ZSCAN5A: variants seen among roughly 807,000 people sequenced by gnomAD.
The protein encoded by ZSCAN5A is zinc finger and SCAN domain containing 5A, also known as zinc finger and SCAN domain-containing protein 5A.
A neutral mutation model predicts 23.7 loss-of-function variants in ZSCAN5A; 12 were observed. The ratio of observed to expected loss-of-function variants is 0.51; its 90% CI spans 0.32 to 0.82. The LOEUF (loss-of-function observed/expected upper bound fraction) is 0.82. ZSCAN5A is among the 40% of genes least tolerant of loss of function. ZSCAN5A has a pLI of 0.03. For synonymous variants in ZSCAN5A, 257 were observed against 239.9 expected (o/e 1.07, Z -0.66); for missense variants, 597 against 617.9 (o/e 0.97, Z 0.36).
chr19:56,321,801 G>T, intron 2 of ZSCAN5A: 2 of 1,165,992 alleles, frequency 1.7e-6, no homozygotes, highest in Non-Finnish European at 2.6e-6. Context: ...CAGTAGTAAG[G>T]TAACTGCCAC....
At chr19:56,230,330 C>T (rs953759510) in intron 2 of ZSCAN5A, among the ~76,000 whole-genome samples, 6 of 152,052 alleles carry the variant, frequency 3.9e-5, no homozygotes, top group Non-Finnish European at 8.8e-5. Context: ...GTGATCCACC[C>T]GCCTCGGCCT....
intron 2 of ZSCAN5A, among the ~76,000 whole-genome samples, chr19:56,310,620 G>A (rs888273235): frequency 6.6e-5 from 10 of 152,218 alleles, no homozygotes; most frequent in African/African-American, 2.4e-4. Flanking sequence ...CTACACAGCT[G>A]AGATTTGACC....
chr19:56,362,387 C>A (rs571618829), intron 2 of ZSCAN5A, among the ~76,000 whole-genome samples: 1 of 151,182 alleles, frequency 6.6e-6, no homozygotes, highest in Non-Finnish European at 1.5e-5. Flanking sequence ...GCCAACGTGG[C>A]GAGACCCCCA....
intron 1 of ZSCAN5A, chr19:56,367,999 A>C (rs931875941): frequency 6.6e-6 from 1 of 152,286 alleles, no homozygotes; most frequent in Non-Finnish European, 1.5e-5. Context: ...AAAGCCTCCC[A>C]CGAAGTCTGA....
chr19:56,308,179 G>T (rs1279306390), intron 2 of ZSCAN5A, among the ~76,000 whole-genome samples: 1 of 148,850 alleles, frequency 6.7e-6, no homozygotes, highest in Admixed American at 6.7e-5. Flanking sequence ...GACTACAGGC[G>T]AGTGCCACCA....
At chr19:56,362,157 CAAAA>C (rs71184352) in intron 2 of ZSCAN5A, among the ~76,000 whole-genome samples, 1 of 91,066 alleles carries the variant, frequency 1.1e-5, no homozygotes. Flanking sequence ...GACTCCGTCT[CAAAA>C]AAAAAAAAAA....
At chr19:56,302,164 C>A in intron 2 of ZSCAN5A, 1 of 1,159,726 alleles carries the variant, frequency 8.6e-7, no homozygotes, top group Non-Finnish European at 1.1e-6. Context: ...AGTGGGGGCA[C>A]AGAGGAAGCG....
intron 2 of ZSCAN5A, chr19:56,338,383 T>C (rs935557305): frequency 6.6e-6 from 1 of 152,206 alleles, no homozygotes; most frequent in Non-Finnish European, 1.5e-5. Context: ...GATGCATCCA[T>C]GTAACCCAGT....
chr19:56,240,863 A>G, intron 2 of ZSCAN5A, among the ~76,000 whole-genome samples: 1 of 152,072 alleles, frequency 6.6e-6, no homozygotes, highest in Non-Finnish European at 1.5e-5. Context: ...CTACCTGCCA[A>G]CAGGCCCGGC....
chr19:56,262,364 G>A (rs2037183497), intron 2 of ZSCAN5A, among the ~76,000 whole-genome samples: 1 of 150,918 alleles, frequency 6.6e-6, no homozygotes, highest in Non-Finnish European at 1.5e-5. Context: ...GACTATTTTA[G>A]AGTTTCATAA....
chr19:56,326,995 G>A (rs2147431616), intron 2 of ZSCAN5A, among the ~76,000 whole-genome samples: 1 of 151,870 alleles, frequency 6.6e-6, no homozygotes, highest in South Asian at 2.1e-4. Context: ...CCCTTCACGA[G>A]TTGAGGTTGT....
chr19:56,283,803 T>G (rs1177439473), intron 2 of ZSCAN5A: 1 of 152,184 alleles, frequency 6.6e-6, no homozygotes, highest in Admixed American at 6.5e-5. Flanking sequence ...ATATCTGATC[T>G]CAAAGGGCTG....
At chr19:56,284,158 T>C (rs910761849) in intron 2 of ZSCAN5A, 20 of 985,504 alleles carry the variant, frequency 2.0e-5, no homozygotes, top group East Asian at 1.1e-4. Flanking sequence ...GCATGTAACC[T>C]TGGCCACCAT....
rs200848409 is a variant in ZSCAN5A at position 56,224,900 on chromosome 19, C to T, written c.147G>A (p.Met49Ile). The T allele has an allele frequency of 1.2e-4, 196 of 1,614,074 alleles. No homozygotes were observed. Among genetic ancestry groups the T allele is most frequent in the Non-Finnish European group, 6.4e-5 (75 of 1,180,046 alleles). The change falls in exon 3 of 6, where the codon ATG becomes ATA. Residue 49 changes from methionine to isoleucine, a missense_variant. By Grantham distance (10) the Met-to-Ile change is conservative. Around this residue, in one of 5 missense-constraint regions of ZSCAN5A, gnomAD observed 72 missense variants for 76.8 expected, o/e 0.94. Coordinates refer to ENST00000683990, the MANE Select transcript of ZSCAN5A (RefSeq NM_001322064.3). ...GGTCCGACTCCTTCGGGCAGCTGAA[C>T]ATCCTGAAGTTCACGTGAGAAATCT... ...DPEISHVNFR[M>I]FSCPKESDPI...
chr19:56,285,587 T>C (rs891595919), intron 2 of ZSCAN5A, among the ~76,000 whole-genome samples: 3 of 152,188 alleles, frequency 2.0e-5, no homozygotes, highest in African/African-American at 7.2e-5. Flanking sequence ...CCCCATTGAC[T>C]GGGATTCCTA....
rs967735953 is a variant in ZSCAN5A at position 56,302,011 on chromosome 19, C to T, written c.-128+11272G>A. On this transcript the variant is annotated intron_variant, in intron 2 of 5. Coordinates refer to ENST00000683990, the MANE Select transcript of ZSCAN5A (RefSeq NM_001322064.3). ...CCACCCCATCCAGGAAACCACTCCC[C>T]AAGAGGAAGAACACGTGGAACTTCC... The T allele has an allele frequency of 9.7e-6, 12 of 1,231,950 alleles. No homozygotes were observed. In the African/African-American group the frequency reaches 1.7e-4, roughly 18 times the overall value. 76.3% of individuals were successfully genotyped at this position (1,231,950 alleles called of 1,614,324 possible).
chr19:56,332,406 T>C (rs539484229), intron 2 of ZSCAN5A, among the ~76,000 whole-genome samples: 3 of 152,238 alleles, frequency 2.0e-5, no homozygotes, highest in Admixed American at 1.3e-4. Context: ...TTTATCATTA[T>C]GAAATGTTTT....
At chr19:56,231,886 C>A (rs142995082) in intron 2 of ZSCAN5A, among the ~76,000 whole-genome samples, 4,034 of 152,222 alleles carry the variant, frequency 0.027, 165 homozygotes, top group African/African-American at 0.09. Context: ...CTTCCCCAGG[C>A]TCTTCATCAT....
At chr19:56,343,877 T>C (rs2041612793) in intron 2 of ZSCAN5A, among the ~76,000 whole-genome samples, 1 of 152,174 alleles carries the variant, frequency 6.6e-6, no homozygotes, top group Non-Finnish European at 1.5e-5. Flanking sequence ...AGAAAGAATG[T>C]TTTCCTACAA....
Sources: allele counts gnomAD v4.1 joint callset (sites outside exome capture counted in the v4.1 genomes callset), GRCh38; gene constraint gnomAD v4.1.1; regional missense constraint gnomAD v4.1.1; transcripts MANE v1.5; gene names NCBI Gene and HGNC (gene_info 2026-07-23, HGNC 2026-07-21).